Variants in CBLN4 observed in about 807,000 individuals in gnomAD.
CBLN4 encodes cerebellin-4.
In CBLN4, 7 loss-of-function variants were observed where a neutral mutation model predicts 14.9. That is an observed-to-expected ratio of 0.47 (90% CI 0.27 to 0.88). The LOEUF (loss-of-function observed/expected upper bound fraction) is 0.88. Among genes scored for constraint, CBLN4 ranks in the 40% least tolerant of loss-of-function variants. The pLI is 0.14. For synonymous variants in CBLN4, 131 were observed against 116.5 expected (o/e 1.12, Z -0.80); for missense variants, 188 against 256.8 (o/e 0.73, Z 1.83).
chr20:56,001,926 A>G (rs897885014), intron 1 of CBLN4, among the ~76,000 whole-genome samples: 26 of 152,176 alleles, frequency 1.7e-4, no homozygotes, highest in Admixed American at 3.3e-4. Flanking sequence ...TTTCCAAGAA[A>G]TACACCTGTA....
chr20:56,003,876 C>T lies in CBLN4; in HGVS notation c.291+5G>A. The T allele has an allele frequency of 1.2e-6, 2 of 1,603,482 alleles. No individual in the cohort carries two copies. The highest frequency in any genetic ancestry group is 1.7e-6 in the Non-Finnish European group (2 of 1,174,440). On this transcript the variant is annotated splice_donor_5th_base_variant and intron_variant, in intron 1 of 2. Transcript: ENST00000064571. Reference sequence around the variant, plus strand: ...CCTAGGTGCTCGCTTCCCCCCGGGTCTGACCTGATCGAAGTAAATGATGCG... The same window carrying T: ...CCTAGGTGCTCGCTTCCCCCCGGGTTTGACCTGATCGAAGTAAATGATGCG...
In CBLN4 at chr20:55,998,728, T is replaced by A. The variant is rs753941165; in HGVS notation, c.435A>T (p.Pro145=). Residue 145 remains proline (P), a synonymous_variant, in exon 3 of 3, where the codon CCA becomes CCT. Coordinates refer to ENST00000064571, the MANE Select transcript of CBLN4 (RefSeq NM_080617.6). ...IQVNLMLNGK[P]VISAFAGDKD... is the part of the protein sequence containing the mutation. ...TGTCCCCCGCAAAGGCAGATATTACTGGTTTTCCATTTAACATCAAGTTAA... is the reference window on the plus strand; with the variant it reads ...TGTCCCCCGCAAAGGCAGATATTACAGGTTTTCCATTTAACATCAAGTTAA... 2 of 1,613,980 alleles carry A rather than the reference T, an allele frequency of 1.2e-6. No individual in the cohort carries two copies. Among genetic ancestry groups the A allele is most frequent in the African/African-American group, 1.3e-5 (1 of 74,958 alleles).
In CBLN4 at chr20:56,004,107, C is replaced by CCCGGCAGCGTGAGGA; in HGVS notation, c.50_64dup (p.Val17_Pro21dup). On this transcript the variant is annotated inframe_insertion, in exon 1 of 3. Transcript: ENST00000064571. This position sits in a 1 kb window ranked among gnomAD's most constrained non-coding sequence, Gnocchi z 6.1. ...GTCGTTCTGTGCCCAGACGGGCAGC[C>CCCGGCAGCGTGAGGA]CCGGCAGCGTGAGGACCAGCAGCAC... 6.2e-7 allele frequency: 1 copy of CCCGGCAGCGTGAGGA among 1,606,130 alleles called. No individual in the cohort carries two copies. Among genetic ancestry groups the CCCGGCAGCGTGAGGA allele is most frequent in the Non-Finnish European group, 8.5e-7 (1 of 1,177,414 alleles).
Position 56,004,216 on chromosome 20 carries a change from C to T in CBLN4, c.-45G>A. On this transcript the variant is annotated 5_prime_UTR_variant, in exon 1 of 3. Coordinates refer to ENST00000064571, the MANE Select transcript of CBLN4 (RefSeq NM_080617.6). The surrounding 1 kb of genome is among the most constrained non-coding windows in gnomAD (Gnocchi z 6.1). ...CGCAGCCGGCTGGCGCTGGTGCTCGCCCGCGTCGCCTCCTACCCCGGGATC... is the reference window on the plus strand; with the variant it reads ...CGCAGCCGGCTGGCGCTGGTGCTCGTCCGCGTCGCCTCCTACCCCGGGATC... The T allele has an allele frequency of 1.4e-5, 19 of 1,371,026 alleles. No homozygotes were observed. Among genetic ancestry groups the T allele is most frequent in the South Asian group, 1.7e-5 (1 of 58,878 alleles). 84.9% of individuals were successfully genotyped at this position (1,371,026 alleles called of 1,614,324 possible).
In CBLN4 at chr20:56,003,524, C is replaced by T. The variant is rs545871191; in HGVS notation, c.291+357G>A. Among the ~76,000 whole-genome samples the T allele has an allele frequency of 4.6e-5, 7 of 152,340 alleles. No homozygotes were observed. The South Asian group carries it at 6.2e-4, about 14-fold the overall frequency. On this transcript the variant is annotated intron_variant, in intron 1 of 2. Coordinates refer to ENST00000064571, the MANE Select transcript of CBLN4 (RefSeq NM_080617.6). ...ACCCGCAGAGGAGTCTGAGCAAGGGCACCAAGATCTGGCCAAGAGATAACG... is the reference window on the plus strand; with the variant it reads ...ACCCGCAGAGGAGTCTGAGCAAGGGTACCAAGATCTGGCCAAGAGATAACG...
intron 2 of CBLN4, among the ~76,000 whole-genome samples, chr20:55,999,831 T>G (rs1418421954): frequency 2.0e-5 from 3 of 152,206 alleles, no homozygotes; most frequent in Admixed American, 6.5e-5. Context: ...TATTGGGGGT[T>G]GGGAAAACTT....
chr20:56,000,564 T>C (rs140087476), intron 2 of CBLN4, among the ~76,000 whole-genome samples, 167 bp downstream of exon 2: 1 of 152,324 alleles, frequency 6.6e-6, no homozygotes, highest in East Asian at 1.9e-4. Context: ...TCTTAATGGA[T>C]GTTAAAGAGA....
In CBLN4 at chr20:56,004,323, T is replaced by G; in HGVS notation, c.-152A>C. The G allele has an allele frequency of 1.5e-6, 1 of 677,684 alleles. No individual in the cohort carries two copies. Among genetic ancestry groups the G allele is most frequent in the Non-Finnish European group, 2.2e-6 (1 of 445,796 alleles). The allele number at this position is 677,684 out of a possible 1,614,324, so 42.0% of individuals were successfully genotyped here. A position where few individuals can be genotyped will look rare whatever the true frequency, so the allele number is the denominator to read the frequency against. On this transcript the variant is annotated 5_prime_UTR_variant, in exon 1 of 3. Transcript: ENST00000064571. This position sits in a 1 kb window ranked among gnomAD's most constrained non-coding sequence, Gnocchi z 6.1. ...GCGGCGGCGCGCACACTTCCACCAA[T>G]TCTGTGGCTTGAAGTCAAAGTCTCC...
In CBLN4 at chr20:56,003,926, C is replaced by T; in HGVS notation, c.246G>A (p.Glu82=). Residue 82 remains glutamate, a synonymous_variant, in exon 1 of 3, where the codon GAG becomes GAA. Transcript: ENST00000064571. ...AFSAVRSTNH[E]PSEMSNKTRI... is the part of the protein sequence containing the mutation. ...GCGTCTTGTTGCTCATCTCGGATGGCTCGTGGTTGGTGCTCCGCACCGCCG... is the reference window on the plus strand; with the variant it reads ...GCGTCTTGTTGCTCATCTCGGATGGTTCGTGGTTGGTGCTCCGCACCGCCG... The T allele has an allele frequency of 6.2e-7, 1 of 1,613,622 alleles. No individual in the cohort carries two copies. The highest frequency in any genetic ancestry group is 1.1e-5 in the South Asian group (1 of 91,012).
chr20:56,003,549 G>A (rs994442820), intron 1 of CBLN4, among the ~76,000 whole-genome samples: 4 of 152,196 alleles, frequency 2.6e-5, no homozygotes, highest in Non-Finnish European at 5.9e-5. Flanking sequence ...AAGAGATAAC[G>A]ACGTCCAGGG....
At chr20:56,001,971 AG>A (rs1221476612) in intron 1 of CBLN4, among the ~76,000 whole-genome samples, 1 of 152,184 alleles carries the variant, frequency 6.6e-6, no homozygotes, top group African/African-American at 2.4e-5. Context: ...GTCCCTAAAA[AG>A]ATATACTTCT....
chr20:56,004,162 C>G lies in CBLN4; in HGVS notation c.10G>C (p.Gly4Arg), dbSNP rs754209101. The change falls in exon 1 of 3, where the codon GGG (glycine) becomes CGG (arginine). Residue 4 changes from glycine (G) to arginine (R), a missense_variant. Physicochemically the swap from Gly to Arg is moderately radical, Grantham distance 125. This residue lies in a region of CBLN4 where 95 missense variants were observed against 99.2 expected (regional missense o/e 0.96). Transcript: ENST00000064571. The surrounding 1 kb of genome is among the most constrained non-coding windows in gnomAD (Gnocchi z 6.1). MGS[G>R]RRALSAVPAV... ...GGCACCGCGGACAGCGCCCGGCGCC[C>G]GGAGCCCATGGTGAGCCGTGTGGGC... is the stretch of plus-strand genomic sequence containing the variant. The G allele has an allele frequency of 2.3e-5, 35 of 1,532,766 alleles. 2 individuals are homozygous for G. In the South Asian group the frequency reaches 3.8e-4, roughly 17 times the overall value. 94.9% of individuals were successfully genotyped at this position (1,532,766 alleles called of 1,614,324 possible). A position where few individuals can be genotyped will look rare whatever the true frequency, so the allele number is the denominator to read the frequency against.
chr20:56,002,091 C>G (rs1455895705), intron 1 of CBLN4, among the ~76,000 whole-genome samples: 1 of 152,206 alleles, frequency 6.6e-6, no homozygotes, highest in Non-Finnish European at 1.5e-5. Flanking sequence ...ACTATTACCT[C>G]TGGGCAACAT....
At position 56,004,265 on chromosome 20, in the gene CBLN4, G is replaced by A. The variant is rs1600862995; in HGVS notation, c.-94C>T. On this transcript the variant is annotated 5_prime_UTR_variant, in exon 1 of 3. Coordinates refer to ENST00000064571, the MANE Select transcript of CBLN4 (RefSeq NM_080617.6). The surrounding 1 kb of genome is among the most constrained non-coding windows in gnomAD (Gnocchi z 6.1). ...TCCCGGTGCTCGGGAAGATGCTAGC[G>A]GCTAGGTCGACAGCGCTGCAGGAGC... The A allele has an allele frequency of 2.5e-5, 32 of 1,278,588 alleles. No homozygotes were observed. In the East Asian group the frequency reaches 9.0e-4, roughly 36 times the overall value. The allele number at this position is 1,278,588 out of a possible 1,614,324, so 79.2% of individuals were successfully genotyped here.
rs1322710593 is a variant in CBLN4, at chr20:56,004,011, C to A, written c.161G>T (p.Gly54Val). 6.2e-7 allele frequency: 1 copy of A among 1,614,034 alleles called. No homozygotes were observed. Among genetic ancestry groups the A allele is most frequent in the Non-Finnish European group, 8.5e-7 (1 of 1,179,994 alleles). Reference sequence around the variant, plus strand: ...TATCCCCAGCGGGGAGGAAGAGGAGCCCTTGGAGTCCGTGGCCGGGTTCGA... The same window carrying A: ...TATCCCCAGCGGGGAGGAAGAGGAGACCTTGGAGTCCGTGGCCGGGTTCGA... ...CDSNPATDSK[G>V]SSSSPLGISV... The change falls in exon 1 of 3, where the codon GGC becomes GTC. Residue 54 changes from glycine to valine, a missense_variant. Physicochemically the swap from Gly to Val is moderately radical, Grantham distance 109. Around this residue, in one of 2 missense-constraint regions of CBLN4, gnomAD observed 95 missense variants for 99.2 expected, o/e 0.96. Coordinates refer to ENST00000064571, the MANE Select transcript of CBLN4 (RefSeq NM_080617.6). This position sits in a 1 kb window ranked among gnomAD's most constrained non-coding sequence, Gnocchi z 6.1.
At chr20:56,001,269 G>T (rs558866588) in intron 1 of CBLN4, among the ~76,000 whole-genome samples, 3 of 152,304 alleles carry the variant, frequency 2.0e-5, no homozygotes, top group East Asian at 3.9e-4. Context: ...AAAGGCACCC[G>T]CTATGTGTTT....
intron 2 of CBLN4, among the ~76,000 whole-genome samples, chr20:56,000,197 C>T (rs768489292): frequency 6.6e-6 from 1 of 152,334 alleles, no homozygotes; most frequent in East Asian, 1.9e-4. Context: ...AATTCACTAG[C>T]ATCAGAGTAA....
At chr20:56,001,299 G>A (rs1165188557) in intron 1 of CBLN4, among the ~76,000 whole-genome samples, 2 of 152,158 alleles carry the variant, frequency 1.3e-5, no homozygotes, top group Non-Finnish European at 2.9e-5. Context: ...CCTTCTACAA[G>A]CCTTTGCAAT....
intron 2 of CBLN4, 143 bp from the exon 3 acceptor site, chr20:55,998,897 C>A: frequency 1.5e-6 from 1 of 671,608 alleles, no homozygotes; most frequent in Non-Finnish European, 2.5e-6. Flanking sequence ...TCAAATTAGC[C>A]AATTGTGGGG....
Sources: allele counts gnomAD v4.1 joint callset (sites outside exome capture counted in the v4.1 genomes callset), GRCh38; gene constraint gnomAD v4.1.1; regional missense constraint gnomAD v4.1.1; non-coding constraint Gnocchi (gnomAD v3.1); transcripts MANE v1.5; gene names NCBI Gene and HGNC (gene_info 2026-07-23, HGNC 2026-07-21).